Variants in USP34 observed in about 807,000 individuals in gnomAD.
USP34 encodes the protein ubiquitin carboxyl-terminal hydrolase 34.
Under a neutral mutation model 460.3 loss-of-function variants are expected in USP34, and 70 were observed. The observed-to-expected ratio is 0.15, with a 90% CI of 0.13 to 0.19. The LOEUF (loss-of-function observed/expected upper bound fraction) is 0.19, where lower values mean the gene tolerates loss of function less well. USP34 is among the 10% of genes least tolerant of loss of function. The pLI is 1.00. For missense variants in USP34, 3,985 were observed against 4,236.2 expected, an observed-to-expected ratio of 0.94 and a Z score of 1.65; for synonymous variants, 1,647 against 1,405.3, an observed-to-expected ratio of 1.17 and a Z score of -3.85.
chr2:61,370,565 T>C lies in USP34; in HGVS notation c.1091A>G (p.Glu364Gly). The change falls in exon 9 of 80, where the codon GAA (glutamate) becomes GGA (glycine). Residue 364 changes from glutamate to glycine, a missense_variant. Physicochemically the swap from Glu to Gly is moderately conservative, Grantham distance 98. This residue lies in a region of USP34 where 716 missense variants were observed against 626.2 expected (regional missense o/e 1.14). Coordinates refer to ENST00000398571, the MANE Select transcript of USP34 (RefSeq NM_014709.4). Reference protein sequence around the residue: ...VSDTETSIAKELADWLISNNV... With the variant: ...VSDTETSIAKGLADWLISNNV... ...GTTGCTAATAAGCCAGTCTGCAAGT[T>C]CTTTTGCAATGGACCTAAAGTCAAG... is the stretch of plus-strand genomic sequence containing the variant. The C allele has an allele frequency of 1.9e-6, 3 of 1,613,658 alleles. No homozygotes were observed. Among genetic ancestry groups the C allele is most frequent in the Non-Finnish European group, 2.5e-6 (3 of 1,179,898 alleles).
At chr2:61,418,925 A>C (rs187695703) in intron 2 of USP34, among the ~76,000 whole-genome samples, 26 of 152,362 alleles carry the variant, frequency 1.7e-4, no homozygotes, top group African/African-American at 5.5e-4. Context: ...ACTTTAGCTT[A>C]CATCTTTTAA....
At chr2:61,385,028 T>A (rs781504695) in intron 5 of USP34, among the ~76,000 whole-genome samples, 1 of 152,142 alleles carries the variant, frequency 6.6e-6, no homozygotes, top group South Asian at 2.1e-4. Flanking sequence ...TAGGTTAATA[T>A]AAACAAATAT....
At chr2:61,456,753 G>C (rs1252568255) in intron 1 of USP34, among the ~76,000 whole-genome samples, 1 of 152,112 alleles carries the variant, frequency 6.6e-6, no homozygotes, top group Non-Finnish European at 1.5e-5. Flanking sequence ...AGGAGTTCAC[G>C]ACCAGCCTGG....
chr2:61,469,954 G>A (rs1695898242), intron 1 of USP34, among the ~76,000 whole-genome samples: 2 of 152,194 alleles, frequency 1.3e-5, no homozygotes, highest in South Asian at 2.1e-4. Context: ...AAGAGAGATA[G>A]GCCATAACTA....
chr2:61,413,620 A>T (rs80111875), intron 2 of USP34, among the ~76,000 whole-genome samples: 19,449 of 147,330 alleles, frequency 0.13, 1,339 homozygotes, highest in South Asian at 0.34. Flanking sequence ...CGATCACGCC[A>T]TTGCACTCCA....
At chr2:61,290,653 A>C (rs983797478) in intron 33 of USP34, among the ~76,000 whole-genome samples, 1 of 152,154 alleles carries the variant, frequency 6.6e-6, no homozygotes, top group Non-Finnish European at 1.5e-5. Context: ...ATTAATAGCA[A>C]AACTGCAGGA....
chr2:61,462,631 C>G (rs893093156), intron 1 of USP34, among the ~76,000 whole-genome samples: 1 of 151,268 alleles, frequency 6.6e-6, no homozygotes, highest in Non-Finnish European at 1.5e-5. Flanking sequence ...GAGGCTGAGG[C>G]AAGCGGATCA....
intron 22 of USP34, among the ~76,000 whole-genome samples, chr2:61,318,400 T>C (rs1690816805): frequency 6.6e-6 from 1 of 152,112 alleles, no homozygotes; most frequent in African/African-American, 2.4e-5. Context: ...TTTGTTAAAG[T>C]CAGAGGTCGA....
At chr2:61,265,257 A>G in intron 43 of USP34, 140 bp downstream of exon 43, 1 of 866,642 alleles carries the variant, frequency 1.2e-6, no homozygotes, top group East Asian at 2.7e-5. Flanking sequence ...TAAAATACAC[A>G]TTAGCTAGTT....
intron 21 of USP34, among the ~76,000 whole-genome samples, chr2:61,322,093 G>A (rs1035554725): frequency 6.6e-6 from 1 of 152,074 alleles, no homozygotes; most frequent in Non-Finnish European, 1.5e-5. Context: ...AGCTAGGCGT[G>A]GTGGCGCATG....
At chr2:61,312,926 TAAAC>T (rs2103676549) in intron 25 of USP34, among the ~76,000 whole-genome samples, 1 of 152,306 alleles carries the variant, frequency 6.6e-6, no homozygotes, top group African/African-American at 2.4e-5. Context: ...TTTTAAAAAG[TAAAC>T]AAATTAAGAC....
At chr2:61,395,784 T>A (rs1168496466) in intron 3 of USP34, among the ~76,000 whole-genome samples, 5 of 47,946 alleles carry the variant, frequency 1.0e-4, no homozygotes, top group Non-Finnish European at 1.7e-4. Flanking sequence ...AGACTCCGTC[T>A]CAAAAAAAAA....
intron 1 of USP34, among the ~76,000 whole-genome samples, chr2:61,456,304 T>C (rs980419552): frequency 6.6e-6 from 1 of 152,170 alleles, no homozygotes; most frequent in Non-Finnish European, 1.5e-5. Context: ...GCTTCAAGAA[T>C]AGGTCCTGAT....
At chr2:61,204,426 T>C (rs752937764) in intron 73 of USP34, 46 bp from the exon 74 acceptor site, 21 of 1,613,200 alleles carry the variant, frequency 1.3e-5, no homozygotes, top group East Asian at 6.7e-5. Context: ...AAAAAATAAA[T>C]CTCCATGCTT....
intron 41 of USP34, among the ~76,000 whole-genome samples, chr2:61,270,794 T>A (rs1485089293): frequency 6.6e-6 from 1 of 152,078 alleles, no homozygotes; most frequent in Non-Finnish European, 1.5e-5. Flanking sequence ...TGCTTTCATT[T>A]TATATATAAA....
intron 37 of USP34, among the ~76,000 whole-genome samples, chr2:61,282,888 T>C (rs1689576637): frequency 6.6e-6 from 1 of 152,174 alleles, no homozygotes; most frequent in Admixed American, 6.5e-5. Flanking sequence ...GGAAAAACTT[T>C]TTTTTATTAA....
At chr2:61,412,469 A>T (rs1339032594) in intron 2 of USP34, among the ~76,000 whole-genome samples, 1 of 152,096 alleles carries the variant, frequency 6.6e-6, no homozygotes, top group Non-Finnish European at 1.5e-5. Context: ...CATATCATAT[A>T]CCTTTTGTAT....
rs1694335058 is a variant in USP34 at position 61,420,888 on chromosome 2, C to T, written c.44-55G>A. On this transcript the variant is annotated intron_variant, in intron 1 of 79. Coordinates refer to ENST00000398571, the MANE Select transcript of USP34 (RefSeq NM_014709.4). Reference sequence around the variant, plus strand: ...GAATAATGCTAAACCAGTATTAAAGCCAACAGTTCAAAATAAAGCCAAGAG... The same window carrying T: ...GAATAATGCTAAACCAGTATTAAAGTCAACAGTTCAAAATAAAGCCAAGAG... 8 of 1,315,988 alleles carry T rather than the reference C, an allele frequency of 6.1e-6. No homozygotes were observed. The Admixed American group carries it at 1.5e-4, about 24-fold the overall frequency. The allele number at this position is 1,315,988 out of a possible 1,614,324, so 81.5% of individuals were successfully genotyped here. A position where few individuals can be genotyped will look rare whatever the true frequency, so the allele number is the denominator to read the frequency against.
intron 5 of USP34, 118 bp downstream of exon 5, chr2:61,394,735 T>TA (rs939104540): frequency 4.3e-4 from 323 of 744,058 alleles, no homozygotes; most frequent in Non-Finnish European, 5.2e-4. Context: ...TTTGTCAAAA[T>TA]AAAAAAAAAT....
Sources: allele counts gnomAD v4.1 joint callset (sites outside exome capture counted in the v4.1 genomes callset), GRCh38; gene constraint gnomAD v4.1.1; regional missense constraint gnomAD v4.1.1; transcripts MANE v1.5; gene names NCBI Gene and HGNC (gene_info 2026-07-23, HGNC 2026-07-21).